The following STK38L variants were observed in gnomAD, a reference collection of about 807,000 sequenced individuals.
STK38L encodes serine/threonine kinase 38 like.
STK38L carries 28 observed loss-of-function variants against 59.7 expected under a neutral mutation model. That is an observed-to-expected ratio of 0.47 (90% confidence interval 0.35 to 0.64). The LOEUF (loss-of-function observed/expected upper bound fraction) is 0.64. STK38L is among the 30% of genes least tolerant of loss of function. The probability of loss-of-function intolerance (pLI) is 0.01; values close to 1 mark genes in which losing one functional copy is unlikely to be tolerated. For missense variants in STK38L, 314 were observed against 555.8 expected, an observed-to-expected ratio of 0.56 and a Z score of 4.37; for synonymous variants, 162 against 176.8, an observed-to-expected ratio of 0.92 and a Z score of 0.66.
At chr12:27,288,079 G>A (rs893167976) in intron 1 of STK38L, among the ~76,000 whole-genome samples, 3 of 151,924 alleles carry the variant, frequency 2.0e-5, no homozygotes, top group Non-Finnish European at 2.9e-5. Flanking sequence ...ATGAGTTTTC[G>A]TCATGTTGGC....
At chr12:27,279,244 T>A (rs952395702) in intron 1 of STK38L, among the ~76,000 whole-genome samples, 1 of 152,180 alleles carries the variant, frequency 6.6e-6, no homozygotes, top group African/African-American at 2.4e-5. Flanking sequence ...TGTAGCCCCA[T>A]TGAAAGTCAA....
At chr12:27,280,482 G>A (rs968787087) in intron 1 of STK38L, among the ~76,000 whole-genome samples, 4 of 152,194 alleles carry the variant, frequency 2.6e-5, no homozygotes, top group Non-Finnish European at 1.5e-5. Context: ...GCAGATGAGA[G>A]GGACTCCTTT....
chr12:27,257,328 G>T (rs936836983), intron 1 of STK38L, among the ~76,000 whole-genome samples: 1 of 152,204 alleles, frequency 6.6e-6, no homozygotes, highest in African/African-American at 2.4e-5. Context: ...CTGCTCTGGG[G>T]ATATGGTCAG....
chr12:27,317,549 A>G, intron 10 of STK38L, 96 bp downstream of exon 10: 2 of 1,035,882 alleles, frequency 1.9e-6, no homozygotes, highest in South Asian at 3.1e-5. Flanking sequence ...AAATATTTGA[A>G]GTCTTTTAAG....
At chr12:27,246,992 G>A (rs1416098036) in intron 1 of STK38L, among the ~76,000 whole-genome samples, 2 of 152,180 alleles carry the variant, frequency 1.3e-5, no homozygotes, top group Non-Finnish European at 2.9e-5. Context: ...CATAGAAAAT[G>A]TGTTTTATGA....
At position 27,324,917 on chromosome 12, in the gene STK38L, TG is replaced by T. The variant is rs1183206853; in HGVS notation, c.*2465del. On this transcript the variant is annotated 3_prime_UTR_variant, in exon 14 of 14. Coordinates refer to ENST00000389032, the MANE Select transcript of STK38L (RefSeq NM_015000.4). Reference sequence around the variant, plus strand: ...AATGACAAAACCCTATCTAGTCAACTGGGCATAATGACATTTTCTTTAAATT... The same window carrying T: ...AATGACAAAACCCTATCTAGTCAACTGGCATAATGACATTTTCTTTAAATT... 13 of 152,244 alleles carry T rather than the reference TG, an allele frequency of 8.5e-5. No individual in the cohort carries two copies. Among genetic ancestry groups the T allele is most frequent in the Non-Finnish European group, 4.4e-5 (3 of 67,954 alleles). 9.4% of individuals were successfully genotyped at this position (152,244 alleles called of 1,614,324 possible).
At chr12:27,312,525 T>G in intron 5 of STK38L, 24 bp from the exon 6 acceptor site, 1 of 1,610,040 alleles carries the variant, frequency 6.2e-7, no homozygotes, top group Non-Finnish European at 8.5e-7. Flanking sequence ...TACAATTATT[T>G]TTTTCAAAAA....
chr12:27,298,982 C>T (rs1214169379), intron 2 of STK38L, among the ~76,000 whole-genome samples: 3 of 152,100 alleles, frequency 2.0e-5, no homozygotes, highest in Non-Finnish European at 4.4e-5. Context: ...GGTTTGGGGT[C>T]AGGGTGGGGA....
At chr12:27,254,010 A>G (rs1316966883) in intron 1 of STK38L, among the ~76,000 whole-genome samples, 2 of 152,198 alleles carry the variant, frequency 1.3e-5, no homozygotes, top group Admixed American at 6.5e-5. Context: ...TCTTGCTTCC[A>G]TTTTGTGAAA....
intron 11 of STK38L, among the ~76,000 whole-genome samples, chr12:27,318,565 G>C (rs191162039): frequency 6.6e-6 from 1 of 152,112 alleles, no homozygotes; most frequent in Non-Finnish European, 1.5e-5. Context: ...AATCAGATAC[G>C]TATAAAGATT....
chr12:27,274,805 A>T (rs1028907285), intron 1 of STK38L, among the ~76,000 whole-genome samples: 1 of 152,240 alleles, frequency 6.6e-6, no homozygotes, highest in Non-Finnish European at 1.5e-5. Flanking sequence ...TAATGATTAC[A>T]TATATAACTC....
chr12:27,260,942 G>C (rs1296537397), intron 1 of STK38L, among the ~76,000 whole-genome samples: 3 of 152,186 alleles, frequency 2.0e-5, no homozygotes, highest in Non-Finnish European at 4.4e-5. Flanking sequence ...TCCTAAAACA[G>C]ATGACTCATC....
chr12:27,277,574 T>C (rs556259553), intron 1 of STK38L, among the ~76,000 whole-genome samples: 2 of 152,310 alleles, frequency 1.3e-5, no homozygotes, highest in African/African-American at 4.8e-5. Flanking sequence ...CCCTGAGTAA[T>C]GTTTTCTGGA....
At chr12:27,246,970 C>T (rs1364503567) in intron 1 of STK38L, among the ~76,000 whole-genome samples, 1 of 152,058 alleles carries the variant, frequency 6.6e-6, no homozygotes, top group African/African-American at 2.4e-5. Flanking sequence ...ATATACCTAC[C>T]CAAATAAATA....
chr12:27,298,772 A>G (rs944447228), intron 2 of STK38L, among the ~76,000 whole-genome samples: 24 of 152,194 alleles, frequency 1.6e-4, no homozygotes, highest in African/African-American at 5.8e-4. Context: ...TATTAGAGAC[A>G]GAAGAAATCA....
chr12:27,300,767 T>A (rs561667397), intron 2 of STK38L, among the ~76,000 whole-genome samples: 2 of 152,362 alleles, frequency 1.3e-5, no homozygotes, highest in South Asian at 4.1e-4. Context: ...AATATGCTCT[T>A]AGGCCTCATC....
chr12:27,260,822 A>G (rs1462606742), intron 1 of STK38L, among the ~76,000 whole-genome samples: 1 of 152,068 alleles, frequency 6.6e-6, no homozygotes, highest in East Asian at 1.9e-4. Flanking sequence ...TGTCATTTGT[A>G]TTTTTATACG....
chr12:27,318,883 T>G (rs554611177), intron 11 of STK38L, among the ~76,000 whole-genome samples: 1 of 151,998 alleles, frequency 6.6e-6, no homozygotes, highest in Non-Finnish European at 1.5e-5. Flanking sequence ...CCCAGCTACT[T>G]GGGAGGCTGA....
At chr12:27,248,258 G>A (rs922861948) in intron 1 of STK38L, among the ~76,000 whole-genome samples, 8 of 152,174 alleles carry the variant, frequency 5.3e-5, no homozygotes, top group South Asian at 2.1e-4. Context: ...GCAGAAACAG[G>A]GTGAATAGAG....
Sources: gnomAD v4.1 joint callset for allele counts (sites outside exome capture counted in the v4.1 genomes callset) on GRCh38, gnomAD v4.1.1 for gene constraint, MANE v1.5 for transcripts, NCBI Gene and HGNC (gene_info 2026-07-23, HGNC 2026-07-21) for gene names.